The following TLL1 variants were observed in gnomAD, a reference collection of about 807,000 sequenced individuals.
The protein encoded by TLL1 is tolloid-like protein 1.
In TLL1, 49 loss-of-function variants were observed where a neutral mutation model predicts 128.2. That is an observed-to-expected ratio of 0.38 (90% CI 0.30 to 0.48). TLL1 has a LOEUF of 0.48. Among genes scored for constraint, TLL1 ranks in the 20% least tolerant of loss-of-function variants. The pLI, the probability that TLL1 is intolerant of heterozygous loss-of-function variation, is 0.96. For missense variants in TLL1, 1,123 were observed against 1,242.0 expected (o/e 0.90, Z 1.44); for synonymous variants, 454 against 418.8 (o/e 1.08, Z -1.03).
At chr4:166,015,575 A>T (rs922815613) in intron 8 of TLL1, among the ~76,000 whole-genome samples, 2 of 151,968 alleles carry the variant, frequency 1.3e-5, no homozygotes, top group Non-Finnish European at 2.9e-5. Context: ...GCCATAGAAG[A>T]GGGCTAGCTA....
At chr4:166,060,689 C>A (rs1179482143) in intron 15 of TLL1, among the ~76,000 whole-genome samples, 2 of 152,114 alleles carry the variant, frequency 1.3e-5, no homozygotes, top group Non-Finnish European at 2.9e-5. Flanking sequence ...TTAAAGCTAT[C>A]CTTTTTTAAT....
chr4:166,078,063 G>A, intron 18 of TLL1, 33 bp downstream of exon 18: 3 of 1,611,772 alleles, frequency 1.9e-6, no homozygotes, highest in Non-Finnish European at 2.5e-6. Context: ...TTTCCATTAA[G>A]CTGACTGCCC....
intron 11 of TLL1, among the ~76,000 whole-genome samples, 197 bp from the exon 12 acceptor site, chr4:166,043,077 A>G: frequency 6.7e-6 from 1 of 149,774 alleles, no homozygotes; most frequent in Non-Finnish European, 1.5e-5. Flanking sequence ...CCATTATCTA[A>G]TATTTGTAGT....
intron 1 of TLL1, among the ~76,000 whole-genome samples, chr4:165,959,850 A>C (rs1735008044): frequency 6.6e-6 from 1 of 152,174 alleles, no homozygotes; most frequent in Non-Finnish European, 1.5e-5. Context: ...CTGTGTTAAT[A>C]GGAAAGCTTA....
chr4:166,030,842 T>A, intron 9 of TLL1: 1 of 1,003,210 alleles, frequency 1.0e-6, no homozygotes, highest in Non-Finnish European at 1.2e-6. Flanking sequence ...AAATTAGCGT[T>A]TTTGTTTTTT....
At chr4:165,903,602 G>A (rs1006257294) in intron 1 of TLL1, among the ~76,000 whole-genome samples, 3 of 151,252 alleles carry the variant, frequency 2.0e-5, no homozygotes, top group African/African-American at 7.3e-5. Context: ...TAGTAGAGAC[G>A]GGGTTTCACC....
intron 8 of TLL1, among the ~76,000 whole-genome samples, chr4:166,022,996 C>A (rs1186178284): frequency 6.6e-6 from 1 of 152,136 alleles, no homozygotes; most frequent in Non-Finnish European, 1.5e-5. Flanking sequence ...CAAGAAACAC[C>A]ATTGTGAAGT....
chr4:165,973,918 G>C (rs1023381622), intron 1 of TLL1, among the ~76,000 whole-genome samples: 2 of 151,952 alleles, frequency 1.3e-5, no homozygotes, highest in East Asian at 3.9e-4. Flanking sequence ...CACCTGCCTC[G>C]GCCTCCCAAA....
At chr4:166,002,593 C>T (rs1174692434) in intron 5 of TLL1, among the ~76,000 whole-genome samples, 2 of 151,918 alleles carry the variant, frequency 1.3e-5, no homozygotes, top group Admixed American at 6.6e-5. Context: ...TACAGGTTTG[C>T]GCCACTATGC....
chr4:165,916,235 T>C (rs1285886518), intron 1 of TLL1, among the ~76,000 whole-genome samples: 4 of 152,208 alleles, frequency 2.6e-5, no homozygotes, highest in African/African-American at 9.7e-5. Flanking sequence ...CTCTTACTTA[T>C]TTCTTATAAA....
intron 19 of TLL1, among the ~76,000 whole-genome samples, chr4:166,095,866 T>C (rs1449162927): frequency 6.6e-6 from 1 of 152,116 alleles, no homozygotes; most frequent in African/African-American, 2.4e-5. Context: ...GCCAACATAC[T>C]AAATAACTGG....
chr4:165,888,894 C>T (rs1731275023), intron 1 of TLL1, among the ~76,000 whole-genome samples: 1 of 152,148 alleles, frequency 6.6e-6, no homozygotes, highest in South Asian at 2.1e-4. Context: ...TGTCTTCTAT[C>T]CTTAAAGCCC....
intron 1 of TLL1, among the ~76,000 whole-genome samples, chr4:165,923,707 T>G (rs1023309338): frequency 1.3e-5 from 2 of 152,138 alleles, no homozygotes; most frequent in African/African-American, 4.8e-5. Context: ...AGTGCTAGGA[T>G]TACAGGCGTG....
At chr4:165,896,995 T>C (rs913250284) in intron 1 of TLL1, among the ~76,000 whole-genome samples, 5 of 152,236 alleles carry the variant, frequency 3.3e-5, no homozygotes, top group Non-Finnish European at 7.3e-5. Flanking sequence ...ATCTCTCTAA[T>C]GACCAGTGAT....
chr4:166,096,585 G>T (rs952567217), intron 19 of TLL1, among the ~76,000 whole-genome samples: 40 of 151,974 alleles, frequency 2.6e-4, no homozygotes, highest in Middle Eastern at 3.2e-3. Flanking sequence ...GGTCTTTGTG[G>T]TGCTAACTTG....
At chr4:165,996,363 C>T (rs1220215535) in intron 5 of TLL1, among the ~76,000 whole-genome samples, 1 of 152,154 alleles carries the variant, frequency 6.6e-6, no homozygotes, top group Admixed American at 6.5e-5. Context: ...AATCCCAGCA[C>T]TTTAAGAGGC....
At chr4:165,994,569 A>C (rs1396164653) in intron 4 of TLL1, 36 bp downstream of exon 4, 2 of 1,608,294 alleles carry the variant, frequency 1.2e-6, no homozygotes, top group Admixed American at 3.3e-5. Flanking sequence ...TTCATAAAGA[A>C]ATAAAAACTA....
chr4:166,070,209 T>C (rs1305133146), intron 16 of TLL1, among the ~76,000 whole-genome samples: 1 of 151,882 alleles, frequency 6.6e-6, no homozygotes, highest in Non-Finnish European at 1.5e-5. Flanking sequence ...CAAGTCTGCA[T>C]AGGTATACAT....
At chr4:166,067,532 T>C (rs1740624283) in intron 16 of TLL1, among the ~76,000 whole-genome samples, 1 of 151,790 alleles carries the variant, frequency 6.6e-6, no homozygotes, top group Non-Finnish European at 1.5e-5. Flanking sequence ...GGAACTGTGC[T>C]TTGTAAAAGT....
Sources: gnomAD v4.1 joint callset for allele counts (sites outside exome capture counted in the v4.1 genomes callset) on GRCh38, gnomAD v4.1.1 for gene constraint, MANE v1.5 for transcripts, NCBI Gene and HGNC (gene_info 2026-07-23, HGNC 2026-07-21) for gene names.